Variants in WDR48 observed in about 807,000 individuals in gnomAD.
WDR48 encodes the protein WD repeat domain 48.
In WDR48, 22 loss-of-function variants were observed where a neutral mutation model predicts 94.0. The observed-to-expected ratio is 0.23, with a 90% confidence interval of 0.17 to 0.33. The LOEUF (loss-of-function observed/expected upper bound fraction) is 0.33, where lower values mean the gene tolerates loss of function less well. Among genes scored for constraint, WDR48 ranks in the 10% least tolerant of loss-of-function variants. WDR48 has a pLI of 1.00. For missense variants in WDR48, 541 were observed against 813.8 expected (o/e 0.66, Z 4.08); for synonymous variants, 278 against 280.5 (o/e 0.99, Z 0.09).
intron 8 of WDR48, among the ~76,000 whole-genome samples, chr3:39,075,368 G>A (rs186134615): frequency 6.6e-6 from 1 of 152,178 alleles, no homozygotes; most frequent in Admixed American, 6.5e-5. Flanking sequence ...GAAATATGAG[G>A]AGTTAAGGTT....
At chr3:39,085,721 C>T (rs2034776844) in intron 14 of WDR48, 111 bp downstream of exon 14, 3 of 858,458 alleles carry the variant, frequency 3.5e-6, no homozygotes, top group Non-Finnish European at 5.5e-6. Context: ...GTGGTGTACT[C>T]AGTTTATTGT....
At chr3:39,080,638 G>T (rs1382868618) in intron 11 of WDR48, among the ~76,000 whole-genome samples, 1 of 152,228 alleles carries the variant, frequency 6.6e-6, no homozygotes, top group African/African-American at 2.4e-5. Context: ...CCTTTGGTAG[G>T]AGGGACAAGT....
intron 14 of WDR48, among the ~76,000 whole-genome samples, chr3:39,086,807 T>C (rs1413967129): frequency 6.6e-6 from 1 of 151,982 alleles, no homozygotes; most frequent in Non-Finnish European, 1.5e-5. Flanking sequence ...AGGCTTTGGG[T>C]GAGGAGTATA....
chr3:39,066,091 T>G lies in WDR48; in HGVS notation c.268+202T>G, dbSNP rs182047648. Among the ~76,000 whole-genome samples the G allele has an allele frequency of 6.8e-4, 104 of 152,314 alleles. No individual in the cohort carries two copies. The South Asian group carries it at 0.019, about 28-fold the overall frequency. On this transcript the variant is annotated intron_variant, in intron 3 of 18. Transcript: ENST00000302313. ...CCACCCTTTGCCACCCTTTCAGTTA[T>G]TCCCTCTTGCCCCAAGGTAACTGCT... is the stretch of plus-strand genomic sequence containing the variant.
chr3:39,052,164 G>T, intron 1 of WDR48, 91 bp downstream of exon 1: 1 of 1,537,142 alleles, frequency 6.5e-7, no homozygotes, highest in South Asian at 1.1e-5. Flanking sequence ...CGACCAGCTG[G>T]GGTAGCGGCA....
At chr3:39,088,093 ACT>A (rs1219216766) in intron 14 of WDR48, 33 bp from the exon 15 acceptor site, 3 of 1,599,072 alleles carry the variant, frequency 1.9e-6, no homozygotes, top group Non-Finnish European at 2.6e-6. Flanking sequence ...TTTAGCACTA[ACT>A]CTGATATTAA....
intron 17 of WDR48, 86 bp downstream of exon 17, chr3:39,091,787 A>G: frequency 8.8e-7 from 1 of 1,136,040 alleles, no homozygotes; most frequent in Admixed American, 2.8e-5. Flanking sequence ...AAAGGAAGCA[A>G]ATACCAGATC....
At chr3:39,052,680 TTTC>T (rs1211320120) in intron 1 of WDR48, 1 of 152,774 alleles carries the variant, frequency 6.5e-6, no homozygotes, top group Non-Finnish European at 1.5e-5. Context: ...CTCTTCACCA[TTTC>T]TTCATCTTAA....
chr3:39,062,943 T>A, intron 1 of WDR48, 107 bp from the exon 2 acceptor site: 1 of 1,396,116 alleles, frequency 7.2e-7, no homozygotes, highest in Non-Finnish European at 9.7e-7. Context: ...AAAAAGTACA[T>A]ATTGGAAAAC....
intron 7 of WDR48, among the ~76,000 whole-genome samples, chr3:39,073,333 G>T (rs2034040802): frequency 6.6e-6 from 1 of 152,156 alleles, no homozygotes. Flanking sequence ...TTAAACTACT[G>T]ATGCTCCTGG....
intron 13 of WDR48, 27 bp from the exon 14 acceptor site, chr3:39,085,488 A>G (rs1232510136): frequency 3.2e-6 from 5 of 1,569,010 alleles, no homozygotes; most frequent in Non-Finnish European, 4.4e-6. Flanking sequence ...TTTCCATTTT[A>G]TCTCTTTTTA....
intron 5 of WDR48, among the ~76,000 whole-genome samples, chr3:39,067,235 G>A (rs2033663466): frequency 6.6e-6 from 1 of 152,224 alleles, no homozygotes; most frequent in African/African-American, 2.4e-5. Context: ...ATTATTGAAG[G>A]AGGTGGCGAT....
intron 1 of WDR48, among the ~76,000 whole-genome samples, chr3:39,057,745 C>T (rs2032988430): frequency 6.6e-6 from 1 of 152,196 alleles, no homozygotes. Flanking sequence ...GCCTCAGCCT[C>T]CTGACTAGCT....
At chr3:39,078,805 C>T (rs1021380982) in intron 10 of WDR48, among the ~76,000 whole-genome samples, 5 of 148,806 alleles carry the variant, frequency 3.4e-5, no homozygotes, top group East Asian at 2.1e-4. Context: ...CCAAGGCGGG[C>T]GGATCACGAG....
chr3:39,080,378 A>G (rs2034459034), intron 11 of WDR48, among the ~76,000 whole-genome samples: 1 of 152,258 alleles, frequency 6.6e-6, no homozygotes, highest in Non-Finnish European at 1.5e-5. Context: ...ACTCTGGGTC[A>G]TGTTACAATA....
At chr3:39,070,278 A>G (rs2033852490) in intron 7 of WDR48, among the ~76,000 whole-genome samples, 1 of 152,224 alleles carries the variant, frequency 6.6e-6, no homozygotes, top group African/African-American at 2.4e-5. Flanking sequence ...GTAGCAATGG[A>G]AAATACTTTT....
At chr3:39,094,540 A>C in intron 18 of WDR48, 108 bp from the exon 19 acceptor site, 1 of 1,550,476 alleles carries the variant, frequency 6.4e-7, no homozygotes, top group South Asian at 1.2e-5. Context: ...TACCAGGCAT[A>C]GGGGAGGAGT....
At chr3:39,092,225 G>A (rs1052161515) in intron 17 of WDR48, among the ~76,000 whole-genome samples, 6 of 152,158 alleles carry the variant, frequency 3.9e-5, no homozygotes, top group Admixed American at 2.0e-4. Flanking sequence ...TTAATTCACA[G>A]TTTAGGACCC....
In WDR48 at chr3:39,057,202, A is replaced by C. The variant is rs1203012724; in HGVS notation, c.48+5129A>C. Among the ~76,000 whole-genome samples the C allele has an allele frequency of 2.0e-5, 3 of 152,242 alleles. No homozygotes were observed. In the East Asian group the frequency reaches 5.8e-4, roughly 29 times the overall value. On this transcript the variant is annotated intron_variant, in intron 1 of 18. Coordinates refer to ENST00000302313, the MANE Select transcript of WDR48 (RefSeq NM_020839.4). ...AAAATAGGGATGTATCTATATTAGA[A>C]GAGTAGAGGGAGGAGATATTGAGGG...
Sources: allele counts gnomAD v4.1 joint callset (sites outside exome capture counted in the v4.1 genomes callset), GRCh38; gene constraint gnomAD v4.1.1; transcripts MANE v1.5; gene names NCBI Gene and HGNC (gene_info 2026-07-23, HGNC 2026-07-21).